The following CDADC1 variants were observed in gnomAD, a reference collection of about 807,000 sequenced individuals.
CDADC1 encodes the protein cytidine and dCMP deaminase domain containing 1.
In CDADC1, 39 loss-of-function variants were observed where a neutral mutation model predicts 54.9. That is an observed-to-expected ratio of 0.71 (90% CI 0.55 to 0.93). CDADC1 has a LOEUF of 0.93. Among genes scored for constraint, CDADC1 ranks in the 40% least tolerant of loss-of-function variants. The pLI is 0.00. For missense variants in CDADC1, 518 were observed against 618.8 expected (o/e 0.84, Z 1.73); for synonymous variants, 186 against 204.0 (o/e 0.91, Z 0.75).
At chr13:49,248,251 C>G (rs1231460483) in intron 1 of CDADC1, 132 bp downstream of exon 1, 1 of 769,540 alleles carries the variant, frequency 1.3e-6, no homozygotes, top group Admixed American at 2.6e-5. Context: ...TCCTGCCCGC[C>G]CTCTGCGTGT....
chr13:49,268,014 G>A lies in CDADC1; in HGVS notation c.955G>A (p.Ala319Thr), dbSNP rs1170764861. Residue 319 changes from alanine to threonine, a missense_variant, in exon 5 of 10, where the codon GCA becomes ACA. Coordinates refer to ENST00000251108, the MANE Select transcript of CDADC1 (RefSeq NM_030911.4). ...CAATCAAAGTTTGCCACAGGAAATT[G>A]CAAGGCACTGCATGGTTCAGGCCAG... ...IHNQSLPQEI[A>T]RHCMVQARLL... 10 of 1,613,598 alleles carry A rather than the reference G, an allele frequency of 6.2e-6. No individual in the cohort carries two copies. The highest frequency in any genetic ancestry group is 3.3e-5 in the Admixed American group (2 of 60,008).
chr13:49,266,546 A>G (rs1287259244), intron 4 of CDADC1, among the ~76,000 whole-genome samples: 1 of 152,192 alleles, frequency 6.6e-6, no homozygotes, highest in African/African-American at 2.4e-5. Context: ...AAAAGTTAAT[A>G]TTGCCCTTCA....
Position 49,291,943 on chromosome 13 carries a change from G to T in CDADC1, c.*186G>T. On this transcript the variant is annotated 3_prime_UTR_variant, in exon 10 of 10. Transcript: ENST00000251108. ...ATATTTGTCTTTTAGATTTATGTGT[G>T]GGTTTTCCATAATGTAGTAGTGTGT... 1 of 1,365,960 alleles carries T rather than the reference G, an allele frequency of 7.3e-7. No homozygotes were observed. The highest frequency in any genetic ancestry group is 9.4e-7 in the Non-Finnish European group (1 of 1,058,802). The allele number at this position is 1,365,960 out of a possible 1,614,324, so 84.6% of individuals were successfully genotyped here.
intron 5 of CDADC1, among the ~76,000 whole-genome samples, chr13:49,268,302 T>A (rs540190555): frequency 6.6e-6 from 1 of 152,100 alleles, no homozygotes; most frequent in East Asian, 1.9e-4. Context: ...TCTAGGCCCT[T>A]CTTTCTGCTT....
At chr13:49,271,348 C>T (rs772549196) in intron 5 of CDADC1, among the ~76,000 whole-genome samples, 4 of 152,156 alleles carry the variant, frequency 2.6e-5, no homozygotes, top group Non-Finnish European at 5.9e-5. Flanking sequence ...GTGATCTCTT[C>T]GTGTCTTGCT....
intron 5 of CDADC1, among the ~76,000 whole-genome samples, chr13:49,272,344 T>G (rs546714386): frequency 8.1e-4 from 124 of 152,352 alleles, no homozygotes; most frequent in Middle Eastern, 3.4e-3. Context: ...TGATTTGTAT[T>G]CTTGCCCACT....
rs199520072 is a variant in CDADC1, at chr13:49,259,526, A to C, written c.430+3A>C. On this transcript the variant is annotated splice_donor_region_variant and intron_variant, in intron 4 of 9. Coordinates refer to ENST00000251108, the MANE Select transcript of CDADC1 (RefSeq NM_030911.4). The stretch of plus-strand genomic sequence containing the variant: ...TTGTTTGAAAATGATTGTAAATGGT[A>C]AGTGCAGAAAAGGGTTTGTTGGGGA... 2 of 1,613,016 alleles carry C rather than the reference A, an allele frequency of 1.2e-6. No homozygotes were observed. The highest frequency in any genetic ancestry group is 1.7e-6 in the Non-Finnish European group (2 of 1,179,110).
At position 49,267,573 on chromosome 13, in the gene CDADC1, T is replaced by C; in HGVS notation, c.514T>C (p.Leu172=). The C allele has an allele frequency of 6.2e-7, 1 of 1,614,118 alleles. No individual in the cohort carries two copies. Among genetic ancestry groups the C allele is most frequent in the Non-Finnish European group, 8.5e-7 (1 of 1,180,012 alleles). Residue 172 remains leucine, a synonymous_variant, in exon 5 of 10, where the codon TTA becomes CTA. Coordinates refer to ENST00000251108, the MANE Select transcript of CDADC1 (RefSeq NM_030911.4). ...GGCTTCTAGTTCTGAAGATGCAAAG[T>C]TAGATGCCAAAGCAGTGGAAAGATT... ...TEASSSEDAK[L]DAKAVERLKS...
At position 49,266,380 on chromosome 13, in the gene CDADC1, T is replaced by A. The variant is rs574991272; in HGVS notation, c.431-1110T>A. ...TTACAAATTGTCTGTTCGTATCTTTTTGTCTCTCTTTAGGCCTTATTCTTG... is the reference window on the plus strand; with the variant it reads ...TTACAAATTGTCTGTTCGTATCTTTATGTCTCTCTTTAGGCCTTATTCTTG... On this transcript the variant is annotated intron_variant, in intron 4 of 9. Transcript: ENST00000251108. 3.3e-5 allele frequency among the ~76,000 whole-genome samples: 5 copies of A among 152,332 alleles called. No homozygotes were observed. The South Asian group carries it at 1.0e-3, about 32-fold the overall frequency.
At chr13:49,288,954 T>C (rs1244528805) in intron 9 of CDADC1, among the ~76,000 whole-genome samples, 1 of 152,152 alleles carries the variant, frequency 6.6e-6, no homozygotes, top group Non-Finnish European at 1.5e-5. Context: ...AGAGCTATCC[T>C]GGGGACAAAT....
intron 5 of CDADC1, among the ~76,000 whole-genome samples, chr13:49,273,823 A>G (rs144254904): frequency 1.3e-5 from 2 of 152,352 alleles, no homozygotes; most frequent in East Asian, 3.9e-4. Context: ...TTCATAAGAT[A>G]TATTTTCCAT....
intron 2 of CDADC1, among the ~76,000 whole-genome samples, chr13:49,251,253 CA>C (rs1329675545): frequency 6.6e-6 from 1 of 151,906 alleles, no homozygotes; most frequent in Non-Finnish European, 1.5e-5. Flanking sequence ...GCCAAAAATA[CA>C]AAAAGTAGCT....
intron 1 of CDADC1, 139 bp downstream of exon 1, chr13:49,248,258 G>A (rs1031313440): frequency 6.8e-6 from 5 of 730,076 alleles, no homozygotes; most frequent in South Asian, 5.4e-5. Context: ...CGCCCTCTGC[G>A]TGTCCCCTCC....
In CDADC1 at chr13:49,291,712, G is replaced by A. The variant is rs1045703751; in HGVS notation, c.1500G>A (p.Lys500=). 4.3e-6 allele frequency: 7 copies of A among 1,614,104 alleles called. No individual in the cohort carries two copies. The highest frequency in any genetic ancestry group is 5.9e-6 in the Non-Finnish European group (7 of 1,179,996). The change falls in exon 10 of 10, where the codon AAG becomes AAA. Residue 500 remains lysine, a synonymous_variant. Transcript: ENST00000251108. The part of the protein sequence containing the change: ...ENGVLRPVPQ[K]EEQHQDKKLR... The stretch of plus-strand genomic sequence containing the variant: ...GTGTGTTGAGACCTGTCCCACAGAA[G>A]GAAGAGCAGCACCAGGACAAGAAGC...
At chr13:49,269,433 G>A (rs907148592) in intron 5 of CDADC1, among the ~76,000 whole-genome samples, 7 of 152,096 alleles carry the variant, frequency 4.6e-5, no homozygotes, top group African/African-American at 1.4e-4. Context: ...AGTTCCACAA[G>A]GTGTTCTGAT....
At chr13:49,288,631 C>A (rs1953595664) in intron 9 of CDADC1, among the ~76,000 whole-genome samples, 1 of 152,148 alleles carries the variant, frequency 6.6e-6, no homozygotes, top group Non-Finnish European at 1.5e-5. Flanking sequence ...ACAACACCAG[C>A]TTTGTTGTTA....
intron 1 of CDADC1, among the ~76,000 whole-genome samples, chr13:49,248,659 A>C (rs1038455134): frequency 2.0e-5 from 3 of 152,202 alleles, no homozygotes; most frequent in Admixed American, 1.3e-4. Flanking sequence ...TGGAGAAAGA[A>C]GGCTCAACTT....
intron 6 of CDADC1, among the ~76,000 whole-genome samples, chr13:49,277,046 GTTAC>G (rs758503199): frequency 2.0e-5 from 3 of 152,154 alleles, no homozygotes; most frequent in Non-Finnish European, 4.4e-5. Context: ...TTCTGGCTAT[GTTAC>G]TTACTCATTT....
chr13:49,277,104 TC>T (rs1393574809), intron 6 of CDADC1, among the ~76,000 whole-genome samples: 19 of 152,276 alleles, frequency 1.2e-4, no homozygotes, highest in Non-Finnish European at 4.4e-5. Flanking sequence ...AGTTTCCTTA[TC>T]TGTAAAACAG....
Sources: allele counts gnomAD v4.1 joint callset (sites outside exome capture counted in the v4.1 genomes callset), GRCh38; gene constraint gnomAD v4.1.1; transcripts MANE v1.5; gene names NCBI Gene and HGNC (gene_info 2026-07-23, HGNC 2026-07-21).